Variants in VPS13B observed in about 807,000 individuals in gnomAD.
VPS13B encodes intermembrane lipid transfer protein VPS13B.
In VPS13B, 285 loss-of-function variants were observed where a neutral mutation model predicts 426.4. The observed-to-expected ratio is 0.67, with a 90% CI of 0.61 to 0.74. The LOEUF (loss-of-function observed/expected upper bound fraction) is 0.74. Ranked by LOEUF, VPS13B falls within the 30% of genes least tolerant of loss-of-function variation. The pLI is 0.00. For synonymous variants in VPS13B, 1,676 were observed against 1,676.4 expected (o/e 1.00, Z 0.01); for missense variants, 4,537 against 4,782.6 (o/e 0.95, Z 1.51).
chr8:99,094,656 C>A (rs1277930879), intron 3 of VPS13B, among the ~76,000 whole-genome samples: 1 of 152,004 alleles, frequency 6.6e-6, no homozygotes, highest in Non-Finnish European at 1.5e-5. Flanking sequence ...TTGTATATTT[C>A]TCTTAGTGTG....
intron 19 of VPS13B, among the ~76,000 whole-genome samples, chr8:99,352,398 C>G (rs946096836): frequency 2.0e-5 from 3 of 152,136 alleles, no homozygotes; most frequent in African/African-American, 2.4e-5. Flanking sequence ...CCATCTTACA[C>G]AGCATGGTGA....
In VPS13B at chr8:99,156,691, C is replaced by T. The variant is rs756035999; in HGVS notation, c.2156C>T (p.Thr719Ile). 1.2e-5 allele frequency: 20 copies of T among 1,614,062 alleles called. No homozygotes were observed. In the South Asian group the frequency reaches 1.8e-4, roughly 14 times the overall value. Residue 719 changes from threonine (T) to isoleucine (I), a missense_variant, in exon 15 of 62, where the codon ACT becomes ATT. By Grantham distance (89) the Thr-to-Ile change is moderately conservative. Coordinates refer to ENST00000357162, the MANE Select transcript of VPS13B (RefSeq NM_152564.5). ...EQLVHVVSSLTQPSDNLLHYC... is the reference protein window; with the variant it reads ...EQLVHVVSSLIQPSDNLLHYC... ...TTGGTGCATGTGGTCAGCAGCCTTA[C>T]TCAACCTTCTGATAACCTGCTTCAT...
intron 39 of VPS13B, among the ~76,000 whole-genome samples, chr8:99,759,718 T>C (rs1451070599): frequency 6.6e-6 from 1 of 152,148 alleles, no homozygotes; most frequent in Admixed American, 6.5e-5. Flanking sequence ...GTCTTACCCA[T>C]CCCAGTAAAT....
At chr8:99,602,998 T>C (rs1044968095) in intron 33 of VPS13B, among the ~76,000 whole-genome samples, 13 of 152,132 alleles carry the variant, frequency 8.5e-5, no homozygotes, top group East Asian at 1.9e-4. Flanking sequence ...CAAGCTACCA[T>C]TGACTTTCTT....
Position 99,115,802 on chromosome 8 carries a change from A to G in VPS13B, c.865A>G (p.Ile289Val), listed in dbSNP as rs943316620. Residue 289 changes from isoleucine to valine, a missense_variant, in exon 7 of 62, where the codon ATA (isoleucine) becomes GTA (valine). Coordinates refer to ENST00000357162, the MANE Select transcript of VPS13B (RefSeq NM_152564.5). ...QLGIALYYGE[I>V]GNFKEGEIED... ...TGGAATTGCTCTTTACTATGGAGAA[A>G]TAGGCAATTTTAAAGAAGGCGAAAT... 2.5e-6 allele frequency: 4 copies of G among 1,613,662 alleles called. No homozygotes were observed. In the African/African-American group the frequency reaches 5.3e-5, roughly 22 times the overall value.
chr8:99,371,913 C>G (rs959048391), intron 19 of VPS13B, among the ~76,000 whole-genome samples: 9 of 152,164 alleles, frequency 5.9e-5, no homozygotes, highest in African/African-American at 2.2e-4. Context: ...ATCATAAAAA[C>G]CCTACAAGAA....
intron 30 of VPS13B, among the ~76,000 whole-genome samples, chr8:99,543,094 G>A (rs1183827891): frequency 6.6e-6 from 1 of 152,126 alleles, no homozygotes; most frequent in Non-Finnish European, 1.5e-5. Context: ...AAGCAGCATG[G>A]TACTGGTACC....
At chr8:99,852,125 T>G (rs576817296) in intron 55 of VPS13B, among the ~76,000 whole-genome samples, 3 of 152,200 alleles carry the variant, frequency 2.0e-5, no homozygotes, top group Admixed American at 1.3e-4. Context: ...ACACCGAAAT[T>G]TTTGGTCTGA....
intron 3 of VPS13B, among the ~76,000 whole-genome samples, chr8:99,058,886 A>G (rs1844030191): frequency 6.6e-6 from 1 of 152,136 alleles, no homozygotes. Context: ...TTCTTTTCAG[A>G]CTTGTCTGTC....
chr8:99,811,136 G>A (rs971068000), intron 44 of VPS13B, among the ~76,000 whole-genome samples: 1 of 152,158 alleles, frequency 6.6e-6, no homozygotes, highest in African/African-American at 2.4e-5. Flanking sequence ...AGGTCATCCA[G>A]CCTCTTTGAA....
At position 99,641,734 on chromosome 8, in the gene VPS13B, A is replaced by G. The variant is rs1829372793; in HGVS notation, c.5221-77A>G. ...CATTTTTAAAATTTTCTCTTTGACA[A>G]CATGTTTATATAACATTGTTTATAT... is the stretch of plus-strand genomic sequence containing the variant. On this transcript the variant is annotated intron_variant, in intron 33 of 61. Transcript: ENST00000357162. The G allele has an allele frequency of 3.5e-5, 49 of 1,391,680 alleles. No homozygotes were observed. The South Asian group carries it at 5.7e-4, about 16-fold the overall frequency. 86.2% of individuals were successfully genotyped at this position (1,391,680 alleles called of 1,614,324 possible). A position where few individuals can be genotyped will look rare whatever the true frequency, so the allele number is the denominator to read the frequency against.
At chr8:99,092,644 A>T (rs1378114666) in intron 3 of VPS13B, among the ~76,000 whole-genome samples, 1 of 152,082 alleles carries the variant, frequency 6.6e-6, no homozygotes, top group Admixed American at 6.6e-5. Context: ...ATTTGATACA[A>T]CTAAAATGTA....
At chr8:99,640,073 A>AGAAGAAGAAGAAG (rs1312336630) in intron 33 of VPS13B, among the ~76,000 whole-genome samples, 1 of 143,074 alleles carries the variant, frequency 7.0e-6, no homozygotes, top group Admixed American at 7.0e-5. Context: ...AAAGAAAAGA[A>AGAAGAAGAAGAAG]AAGAAAAGAA....
intron 31 of VPS13B, among the ~76,000 whole-genome samples, chr8:99,573,223 C>A (rs1825581117): frequency 1.3e-5 from 2 of 152,154 alleles, no homozygotes; most frequent in African/African-American, 4.8e-5. Flanking sequence ...GAGTAGCTTG[C>A]AAAAATTTTC....
rs1383501681 is a variant in VPS13B, at chr8:99,823,983, G to A, written c.9330+5G>A. 1 of 1,611,378 alleles carries A rather than the reference G, an allele frequency of 6.2e-7. No homozygotes were observed. The highest frequency in any genetic ancestry group is 8.5e-7 in the Non-Finnish European group (1 of 1,179,656). On this transcript the variant is annotated splice_donor_5th_base_variant and intron_variant, in intron 51 of 61. Transcript: ENST00000357162. Reference sequence around the variant, plus strand: ...AATCCCCATTCTGGAAAGGAGGTAAGCAAATCATAACGATTCTTTTGTCTA... The same window carrying A: ...AATCCCCATTCTGGAAAGGAGGTAAACAAATCATAACGATTCTTTTGTCTA...
intron 19 of VPS13B, chr8:99,340,536 G>A: frequency 2.1e-6 from 1 of 474,750 alleles, no homozygotes; most frequent in South Asian, 1.7e-5. Context: ...TGTGAAGGGG[G>A]TGGAGGTGTC....
At chr8:99,372,183 C>T (rs113782737) in intron 19 of VPS13B, among the ~76,000 whole-genome samples, 8,303 of 148,582 alleles carry the variant, frequency 0.056, 278 homozygotes, top group African/African-American at 0.093. Context: ...CCCCAGGGGG[C>T]GGAGCCTGCA....
chr8:99,381,065 C>G (rs1486465816), intron 19 of VPS13B, among the ~76,000 whole-genome samples: 2 of 152,008 alleles, frequency 1.3e-5, no homozygotes. Flanking sequence ...CACCCTCCAC[C>G]CTCTGATAGG....
chr8:99,743,220 C>T (rs1588674633), intron 39 of VPS13B, among the ~76,000 whole-genome samples: 1 of 152,108 alleles, frequency 6.6e-6, no homozygotes. Context: ...CTCCCATTCA[C>T]AATTGCTTCA....
Sources: allele counts gnomAD v4.1 joint callset (sites outside exome capture counted in the v4.1 genomes callset), GRCh38; gene constraint gnomAD v4.1.1; transcripts MANE v1.5; gene names NCBI Gene and HGNC (gene_info 2026-07-23, HGNC 2026-07-21).